The following CCDC180 variants were observed in gnomAD, a reference collection of about 807,000 sequenced individuals.
The protein encoded by CCDC180 is coiled-coil domain-containing protein 180.
CCDC180 carries 154 observed loss-of-function variants against 209.2 expected under a neutral mutation model. The observed-to-expected ratio is 0.74, with a 90% CI of 0.65 to 0.84. The LOEUF (loss-of-function observed/expected upper bound fraction) is 0.84, where lower values mean the gene tolerates loss of function less well. CCDC180 is among the 40% of genes least tolerant of loss of function. The pLI is 0.00. For missense variants in CCDC180, 1,874 were observed against 1,997.3 expected, an observed-to-expected ratio of 0.94 and a Z score of 1.18; for synonymous variants, 778 against 749.1, an observed-to-expected ratio of 1.04 and a Z score of -0.63.
rs375339048 is a variant in CCDC180, at chr9:97,365,734, G to A, written c.4042G>A (p.Ala1348Thr). Residue 1348 changes from alanine (A) to threonine (T), a missense_variant, in exon 30 of 37, where the codon GCA becomes ACA. Physicochemically the swap from Ala to Thr is moderately conservative, Grantham distance 58. Coordinates refer to ENST00000529487, the MANE Select transcript of CCDC180 (RefSeq NM_020893.6). Reference protein sequence around the residue: ...WESSENLLTVAEEFYRKEKRP... With the variant: ...WESSENLLTVTEEFYRKEKRP... ...GAGCAGTGAGAACCTGCTGACAGTC[G>A]CAGAGGTGAGGACCACCACCCATGG... 386 of 1,613,648 alleles carry A rather than the reference G, an allele frequency of 2.4e-4. No homozygotes were observed. Among genetic ancestry groups the A allele is most frequent in the Non-Finnish European group, 3.1e-4 (360 of 1,179,874 alleles).
In CCDC180 at chr9:97,330,421, G is replaced by A. The variant is rs1205124233; in HGVS notation, c.1928G>A (p.Gly643Glu). 5 of 1,613,970 alleles carry A rather than the reference G, an allele frequency of 3.1e-6. No homozygotes were observed. Among genetic ancestry groups the A allele is most frequent in the Non-Finnish European group, 4.2e-6 (5 of 1,180,022 alleles). The change falls in exon 18 of 37, where the codon GGG (glycine) becomes GAG (glutamate). Residue 643 changes from glycine (G) to glutamate (E), a missense_variant. Coordinates refer to ENST00000529487, the MANE Select transcript of CCDC180 (RefSeq NM_020893.6). The stretch of plus-strand genomic sequence containing the variant: ...AGAAGTGAGGAAAGCATAAGTAGTG[G>A]GACAAGTACTGCCAGGTCAGTAGAA... ...MTRSEESISS[G>E]TSTARSVEEV... is the part of the protein sequence containing the mutation.
chr9:97,371,416 C>A, intron 33 of CCDC180, 179 bp from the exon 34 acceptor site: 1 of 451,740 alleles, frequency 2.2e-6, no homozygotes. Flanking sequence ...TATGTTTAAA[C>A]CAGATCACAT....
rs751785760 is a variant in CCDC180 at position 97,343,354 on chromosome 9, A to G, written c.2289A>G (p.Glu763=). 2.5e-6 allele frequency: 4 copies of G among 1,608,064 alleles called. No homozygotes were observed. Among genetic ancestry groups the G allele is most frequent in the Non-Finnish European group, 3.4e-6 (4 of 1,174,790 alleles). The stretch of plus-strand genomic sequence containing the variant: ...TGCCTGCTTAGGAAGAAGACAAGGA[A>G]GAGGGTCTAGAGGAGATATACTATG... The part of the protein sequence containing the change: ...SLSVGEEEDK[E]EGLEEIYYED... The change falls in exon 19 of 37, where the codon GAA becomes GAG. Residue 763 remains glutamate (E), a synonymous_variant. Coordinates refer to ENST00000529487, the MANE Select transcript of CCDC180 (RefSeq NM_020893.6).
In CCDC180 at chr9:97,323,811, G is replaced by A; in HGVS notation, c.1279G>A (p.Glu427Lys). 1 of 1,558,370 alleles carries A rather than the reference G, an allele frequency of 6.4e-7. No individual in the cohort carries two copies. The highest frequency in any genetic ancestry group is 8.7e-7 in the Non-Finnish European group (1 of 1,150,328). The change falls in exon 13 of 37, where the codon GAG (glutamate) becomes AAG (lysine). Residue 427 changes from glutamate to lysine, a missense_variant. Transcript: ENST00000529487. ...GCTGCTGGACTGGAAAGCCTTCACTGAGGAGGAGGCAGAGACCCTGGTGAA... is the reference window on the plus strand; with the variant it reads ...GCTGCTGGACTGGAAAGCCTTCACTAAGGAGGAGGCAGAGACCCTGGTGAA... Reference protein sequence around the residue: ...KQLLDWKAFTEEEAETLVNQF... With the variant: ...KQLLDWKAFTKEEAETLVNQF...
Position 97,308,074 on chromosome 9 carries a change from T to G in CCDC180, c.11T>G (p.Val4Gly), listed in dbSNP as rs769322204. MSS[V>G]GKVTQVPNGK... Reference sequence around the variant, plus strand: ...CAGCCAGCGGCCAAGATGTCGTCAGTGGGGAAGGTGACCCAGGTTCCGAAT... The same window carrying G: ...CAGCCAGCGGCCAAGATGTCGTCAGGGGGGAAGGTGACCCAGGTTCCGAAT... Residue 4 changes from valine (V) to glycine (G), a missense_variant, in exon 2 of 37, where the codon GTG becomes GGG. By Grantham distance (109) the Val-to-Gly change is moderately radical. Coordinates refer to ENST00000529487, the MANE Select transcript of CCDC180 (RefSeq NM_020893.6). 9 of 1,613,480 alleles carry G rather than the reference T, an allele frequency of 5.6e-6. 1 individual carries two copies. The African/African-American group carries it at 1.2e-4, about 22-fold the overall frequency.
rs764835272 is a variant in CCDC180, at chr9:97,370,714, TAAGTG to T, written c.4428_4432del (p.Ser1476ArgfsTer12). The T allele has an allele frequency of 6.8e-6, 11 of 1,614,078 alleles. No individual in the cohort carries two copies. In the South Asian group the frequency reaches 7.7e-5, roughly 11 times the overall value. On this transcript the variant is annotated frameshift_variant, in exon 33 of 37. Transcript: ENST00000529487. LOFTEE classifies it high-confidence loss of function. Reference sequence around the variant, plus strand: ...TTCCAAGAAATGGAGTCTCTACACTTAAGTGAAGAGGAAAGGCAGGAAGAGCTGGA... The same window carrying T: ...TTCCAAGAAATGGAGTCTCTACACTTAAGAGGAAAGGCAGGAAGAGCTGGA...
intron 9 of CCDC180, 44 bp downstream of exon 9, chr9:97,317,272 G>A (rs369708296): frequency 1.4e-6 from 2 of 1,472,610 alleles, no homozygotes; most frequent in East Asian, 2.5e-5. Flanking sequence ...CACCAGGGGG[G>A]CTGGCAAAGG....
intron 26 of CCDC180, among the ~76,000 whole-genome samples, chr9:97,360,556 A>G (rs1227252487): frequency 1.3e-5 from 2 of 152,092 alleles, no homozygotes; most frequent in Non-Finnish European, 2.9e-5. Context: ...TGGCCAGAAG[A>G]GGCTGGTCAG....
At chr9:97,318,676 C>T in intron 10 of CCDC180, 94 bp downstream of exon 10, 5 of 1,497,168 alleles carry the variant, frequency 3.3e-6, no homozygotes, top group Non-Finnish European at 4.5e-6. Context: ...AGGCATCCTT[C>T]AGACTAAGCA....
chr9:97,351,927 A>G (rs1052593835), intron 22 of CCDC180, among the ~76,000 whole-genome samples: 2 of 152,160 alleles, frequency 1.3e-5, no homozygotes, highest in Non-Finnish European at 2.9e-5. Context: ...AGCCTTGCCA[A>G]CATGGAGAAA....
chr9:97,367,735 A>G (rs1826968148), intron 31 of CCDC180, among the ~76,000 whole-genome samples: 1 of 152,010 alleles, frequency 6.6e-6, no homozygotes, highest in East Asian at 1.9e-4. Context: ...TGGCCTCCCA[A>G]AGTGCTGGGA....
In CCDC180 at chr9:97,330,504, G is replaced by T; in HGVS notation, c.2011G>T (p.Gly671Trp). ...MESFITEEVL[G>W]QQKKSPLHAK... Reference sequence around the variant, plus strand: ...GTCCTTCATAACTGAAGAGGTGCTGGGGCAGCAGAAAAAATCTCCACTGCA... The same window carrying T: ...GTCCTTCATAACTGAAGAGGTGCTGTGGCAGCAGAAAAAATCTCCACTGCA... Residue 671 changes from glycine (G) to tryptophan (W), a missense_variant, in exon 18 of 37, where the codon GGG (glycine) becomes TGG (tryptophan). Transcript: ENST00000529487. 6.2e-7 allele frequency: 1 copy of T among 1,614,098 alleles called. No individual in the cohort carries two copies. Among genetic ancestry groups the T allele is most frequent in the Non-Finnish European group, 8.5e-7 (1 of 1,180,034 alleles).
intron 31 of CCDC180, among the ~76,000 whole-genome samples, chr9:97,367,742 G>T (rs148480091): frequency 4.3e-4 from 66 of 152,216 alleles, no homozygotes; most frequent in African/African-American, 1.4e-3. Context: ...CCAAAGTGCT[G>T]GGATTACAGA....
Position 97,378,023 on chromosome 9 carries a change from A to C in CCDC180, c.*1129A>C. The C allele has an allele frequency of 6.6e-6, 1 of 152,176 alleles. No homozygotes were observed. The highest frequency in any genetic ancestry group is 1.5e-5 in the Non-Finnish European group (1 of 68,020). 9.4% of individuals were successfully genotyped at this position (152,176 alleles called of 1,614,324 possible). A position where few individuals can be genotyped will look rare whatever the true frequency, so the allele number is the denominator to read the frequency against. On this transcript the variant is annotated 3_prime_UTR_variant, in exon 37 of 37. Coordinates refer to ENST00000529487, the MANE Select transcript of CCDC180 (RefSeq NM_020893.6). ...CTGAGGCAACATGACGAAACCCCAT[A>C]TCTACTAAAAATACAAAAAGTTAGC...
At position 97,349,197 on chromosome 9, in the gene CCDC180, C is replaced by G. The variant is rs199966530; in HGVS notation, c.2761C>G (p.Gln921Glu). Reference protein sequence around the residue: ...TLKKKRLMFCQFQEEQNVRSK... With the variant: ...TLKKKRLMFCEFQEEQNVRSK... ...GAAGAAGAAGCGGCTGATGTTCTGC[C>G]AGTTCCAAGAAGAGCAAAACGTGAG... Residue 921 changes from glutamine (Q) to glutamate (E), a missense_variant, in exon 21 of 37, where the codon CAG (glutamine) becomes GAG (glutamate). Gln to Glu is a conservative substitution (Grantham distance 29). Transcript: ENST00000529487. 2,729 of 1,536,490 alleles carry G rather than the reference C, an allele frequency of 1.8e-3. 1 individual carries two copies. Among genetic ancestry groups the G allele is most frequent in the Non-Finnish European group, 2.2e-3 (2,534 of 1,146,986 alleles).
chr9:97,308,188 A>G, intron 2 of CCDC180, 56 bp downstream of exon 2: 2 of 1,475,056 alleles, frequency 1.4e-6, no homozygotes, highest in East Asian at 2.4e-5. Flanking sequence ...GCTTTCTTCC[A>G]AACTTCCCTC....
chr9:97,309,376 C>G (rs1408478579), intron 2 of CCDC180, 38 bp from the exon 3 acceptor site: 1 of 1,585,948 alleles, frequency 6.3e-7, no homozygotes, highest in Non-Finnish European at 8.6e-7. Context: ...GTCAGCAGCT[C>G]TGACCACTCC....
At chr9:97,348,119 C>G (rs1250025476) in intron 20 of CCDC180, among the ~76,000 whole-genome samples, 2 of 148,030 alleles carry the variant, frequency 1.4e-5, no homozygotes, top group Non-Finnish European at 3.0e-5. Context: ...TAATGCGGGG[C>G]GGGGGGGGGG....
intron 15 of CCDC180, among the ~76,000 whole-genome samples, chr9:97,327,175 A>G (rs1338075606): frequency 6.6e-6 from 1 of 151,760 alleles, no homozygotes; most frequent in African/African-American, 2.4e-5. Context: ...TCTCAAAAAC[A>G]AAAAAAAATT....
Sources: allele counts gnomAD v4.1 joint callset (sites outside exome capture counted in the v4.1 genomes callset), GRCh38; gene constraint gnomAD v4.1.1; transcripts MANE v1.5; gene names NCBI Gene and HGNC (gene_info 2026-07-23, HGNC 2026-07-21).